The following SYNJ2BP variants were observed in gnomAD, a reference collection of about 807,000 sequenced individuals.
SYNJ2BP encodes synaptojanin 2 binding protein.
Under a neutral mutation model 16.9 loss-of-function variants are expected in SYNJ2BP, and 10 were observed. The observed-to-expected ratio is 0.59, with a 90% confidence interval of 0.36 to 1.00. The LOEUF is 1.00. SYNJ2BP is among the 50% of genes least tolerant of loss of function. The probability of loss-of-function intolerance (pLI) is 0.01; values close to 1 mark genes in which losing one functional copy is unlikely to be tolerated. For synonymous variants in SYNJ2BP, 54 were observed against 68.4 expected (o/e 0.79, Z 1.04); for missense variants, 162 against 186.7 (o/e 0.87, Z 0.77).
chr14:70,402,210 T>C (rs1475612574), intron 1 of SYNJ2BP, among the ~76,000 whole-genome samples: 2 of 152,224 alleles, frequency 1.3e-5, no homozygotes, highest in Non-Finnish European at 2.9e-5. Context: ...GATTACTTTG[T>C]ACTGTGAAAG....
rs139489096 is a variant in SYNJ2BP at position 70,397,264 on chromosome 14, C to CTA, written c.65-8660_65-8659dup. Among the ~76,000 whole-genome samples, 252 of 150,856 alleles carry CTA rather than the reference C, an allele frequency of 1.7e-3. 1 individual carries two copies. Among genetic ancestry groups the CTA allele is most frequent in the East Asian group, 6.4e-3 (33 of 5,146 alleles). On this transcript the variant is annotated intron_variant, in intron 1 of 3. Transcript: ENST00000256366. ...CTCTGCTGTTATTTGATGATGTGTT[C>CTA]TATATATATATATACGCCTGTTAGG...
rs376846914 is a variant in SYNJ2BP at position 70,417,005 on chromosome 14, T to G, written c.-42A>C. ...GGCTTCCTACTTGGGTCAGCTGGAG[T>G]GCAGCACAGGTGAAGGTGAATCAAT... On this transcript the variant is annotated 5_prime_UTR_variant, in exon 1 of 4. Coordinates refer to ENST00000256366, the MANE Select transcript of SYNJ2BP (RefSeq NM_018373.3). 6 of 1,613,810 alleles carry G rather than the reference T, an allele frequency of 3.7e-6. No individual in the cohort carries two copies.
intron 1 of SYNJ2BP, among the ~76,000 whole-genome samples, chr14:70,394,818 T>A (rs1044907224): frequency 6.6e-6 from 1 of 152,172 alleles, no homozygotes; most frequent in African/African-American, 2.4e-5. Flanking sequence ...ATATATTATC[T>A]CATTTAATCT....
chr14:70,394,850 A>G (rs1888057195), intron 1 of SYNJ2BP, among the ~76,000 whole-genome samples: 1 of 152,138 alleles, frequency 6.6e-6, no homozygotes, highest in Non-Finnish European at 1.5e-5. Context: ...ACAAGTACTC[A>G]TTTTTCAAAG....
intron 1 of SYNJ2BP, among the ~76,000 whole-genome samples, chr14:70,391,395 C>T (rs1887978493): frequency 6.6e-6 from 1 of 152,060 alleles, no homozygotes; most frequent in South Asian, 2.1e-4. Flanking sequence ...TTAGAGCACC[C>T]TCAATTTGTA....
At chr14:70,385,119 T>C (rs1887832178) in intron 2 of SYNJ2BP, among the ~76,000 whole-genome samples, 1 of 152,150 alleles carries the variant, frequency 6.6e-6, no homozygotes, top group Non-Finnish European at 1.5e-5. Flanking sequence ...TGCTATAAAT[T>C]TAGACATCTA....
chr14:70,390,963 G>C (rs535959696), intron 1 of SYNJ2BP, among the ~76,000 whole-genome samples: 16 of 152,028 alleles, frequency 1.1e-4, no homozygotes, highest in African/African-American at 3.9e-4. Flanking sequence ...GTGAAACCCC[G>C]TCTCTACCAA....
intron 1 of SYNJ2BP, among the ~76,000 whole-genome samples, chr14:70,395,126 G>A (rs1451132343): frequency 6.6e-6 from 1 of 152,126 alleles, no homozygotes; most frequent in East Asian, 1.9e-4. Context: ...AATCTCCAAG[G>A]GTAATATATT....
In SYNJ2BP at chr14:70,372,934, G is replaced by A. The variant is rs3742917; in HGVS notation, c.*57C>T. ...AGGGAAAGACATGGCAGAATAGCAG[G>A]GGTGGAGGGTGAGTGAAATGTATCT... On this transcript the variant is annotated 3_prime_UTR_variant, in exon 4 of 4. Transcript: ENST00000256366. 13 of 1,601,776 alleles carry A rather than the reference G, an allele frequency of 8.1e-6. No homozygotes were observed. In the East Asian group the frequency reaches 2.7e-4, roughly 33 times the overall value.
chr14:70,412,556 A>ATG (rs2140877419), intron 1 of SYNJ2BP, among the ~76,000 whole-genome samples: 1 of 148,480 alleles, frequency 6.7e-6, no homozygotes, highest in East Asian at 1.9e-4. Flanking sequence ...TACAGTATAT[A>ATG]TATGTATGTA....
At chr14:70,387,925 G>T (rs1887896202) in intron 2 of SYNJ2BP, among the ~76,000 whole-genome samples, 1 of 151,868 alleles carries the variant, frequency 6.6e-6, no homozygotes, top group African/African-American at 2.4e-5. Context: ...TCTTCGTAGA[G>T]ACATTAGCAG....
At chr14:70,396,736 T>C (rs186139963) in intron 1 of SYNJ2BP, among the ~76,000 whole-genome samples, 92 of 152,282 alleles carry the variant, frequency 6.0e-4, no homozygotes, top group African/African-American at 2.2e-3. Context: ...CAGCTAGTGA[T>C]GTTAAATATT....
intron 1 of SYNJ2BP, among the ~76,000 whole-genome samples, chr14:70,401,530 T>C (rs1172702146): frequency 7.0e-6 from 1 of 142,218 alleles, no homozygotes; most frequent in African/African-American, 2.5e-5. Flanking sequence ...CTTGGCTTTT[T>C]TTTTTTTTTT....
At chr14:70,415,560 A>AAAAAG (rs1183266784) in intron 1 of SYNJ2BP, among the ~76,000 whole-genome samples, 1 of 151,918 alleles carries the variant, frequency 6.6e-6, no homozygotes, top group Non-Finnish European at 1.5e-5. Flanking sequence ...CAAAAAAAAA[A>AAAAAG]AAAAGAAAAG....
chr14:70,402,790 G>C (rs938472214), intron 1 of SYNJ2BP, among the ~76,000 whole-genome samples: 1 of 152,006 alleles, frequency 6.6e-6, no homozygotes, highest in African/African-American at 2.4e-5. Context: ...ATCAAGAAAC[G>C]AACTAAGTAT....
rs544423790 is a variant in SYNJ2BP at position 70,384,937 on chromosome 14, T to G, written c.201+3533A>C. On this transcript the variant is annotated intron_variant, in intron 2 of 3. Coordinates refer to ENST00000256366, the MANE Select transcript of SYNJ2BP (RefSeq NM_018373.3). ...AAACAGATTGATACAGCCCCTGATA[T>G]GTCTTCTATCTCTGCCTCTCCTTCC... is the stretch of plus-strand genomic sequence containing the variant. 2.9e-3 allele frequency among the ~76,000 whole-genome samples: 437 copies of G among 152,306 alleles called. 2 individuals carry two copies. The highest frequency in any genetic ancestry group is 4.3e-3 in the Non-Finnish European group (295 of 68,028).
At chr14:70,392,782 G>A (rs1292507076) in intron 1 of SYNJ2BP, among the ~76,000 whole-genome samples, 2 of 152,144 alleles carry the variant, frequency 1.3e-5, no homozygotes, top group Non-Finnish European at 2.9e-5. Context: ...TCTAAACTCT[G>A]CGGCAATCAT....
intron 1 of SYNJ2BP, among the ~76,000 whole-genome samples, chr14:70,396,416 C>G (rs113980705): frequency 0.05 from 7,580 of 152,200 alleles, 262 homozygotes; most frequent in Middle Eastern, 0.099. Context: ...CGCGCCCGGT[C>G]CCTTCTTGCA....
chr14:70,395,728 C>G (rs547862447), intron 1 of SYNJ2BP, among the ~76,000 whole-genome samples: 1 of 152,312 alleles, frequency 6.6e-6, no homozygotes, highest in South Asian at 2.1e-4. Context: ...ATCACCACCA[C>G]CTATATCTGG....
Sources: allele counts gnomAD v4.1 joint callset (sites outside exome capture counted in the v4.1 genomes callset), GRCh38; gene constraint gnomAD v4.1.1; transcripts MANE v1.5; gene names NCBI Gene and HGNC (gene_info 2026-07-23, HGNC 2026-07-21).